The following KIF16B variants were observed in gnomAD, a reference collection of about 807,000 sequenced individuals.
KIF16B encodes kinesin family member 16B, also known as kinesin-like protein KIF16B.
KIF16B carries 98 observed loss-of-function variants against 156.3 expected under a neutral mutation model. The observed-to-expected ratio is 0.63, with a 90% CI of 0.53 to 0.74. The LOEUF is 0.74. Ranked by LOEUF, KIF16B falls within the 30% of genes least tolerant of loss-of-function variation. The pLI is 0.00. For synonymous variants in KIF16B, 564 were observed against 583.7 expected (o/e 0.97, Z 0.49); for missense variants, 1,421 against 1,606.5 (o/e 0.88, Z 1.97).
intron 1 of KIF16B, among the ~76,000 whole-genome samples, chr20:16,530,724 A>G (rs1232835195): frequency 2.6e-5 from 4 of 152,156 alleles, no homozygotes; most frequent in African/African-American, 9.6e-5. Context: ...TTTTTGAGAC[A>G]GGGTTTCGCT....
At chr20:16,441,674 GC>G (rs2066804582) in intron 12 of KIF16B, among the ~76,000 whole-genome samples, 1 of 152,138 alleles carries the variant, frequency 6.6e-6, no homozygotes, top group Admixed American at 6.6e-5. Context: ...CCAGGGTTGG[GC>G]TATGATTTTC....
intron 25 of KIF16B, among the ~76,000 whole-genome samples, chr20:16,294,752 G>A (rs1346500870): frequency 2.0e-5 from 3 of 152,182 alleles, no homozygotes; most frequent in Non-Finnish European, 2.9e-5. Context: ...TAGGGCAACA[G>A]CACAGCGTAT....
At chr20:16,477,038 C>A (rs1050103414) in intron 12 of KIF16B, among the ~76,000 whole-genome samples, 1 of 152,098 alleles carries the variant, frequency 6.6e-6, no homozygotes, top group African/African-American at 2.4e-5. Context: ...TGAGCCACTG[C>A]GCCGGGCCTG....
intron 25 of KIF16B, among the ~76,000 whole-genome samples, chr20:16,279,141 C>T (rs1384665646): frequency 6.6e-6 from 1 of 152,112 alleles, no homozygotes; most frequent in Non-Finnish European, 1.5e-5. Flanking sequence ...AAACAGCAGC[C>T]CAATCCCCTT....
chr20:16,292,401 G>GA (rs2063326321), intron 25 of KIF16B, among the ~76,000 whole-genome samples: 1 of 152,102 alleles, frequency 6.6e-6, no homozygotes, highest in South Asian at 2.1e-4. Flanking sequence ...GACACATATA[G>GA]AAGAAAAAAG....
intron 15 of KIF16B, among the ~76,000 whole-genome samples, chr20:16,416,566 G>A (rs1435267070): frequency 2.0e-5 from 3 of 152,006 alleles, no homozygotes. Context: ...CACACACTGG[G>A]GCCTGTTGTG....
rs2065028225 is a variant in KIF16B, at chr20:16,379,230, C to T, written c.2772G>A (p.Lys924=). Residue 924 remains lysine, a synonymous_variant, in exon 19 of 26, where the codon AAG becomes AAA. Coordinates refer to ENST00000354981, the MANE Select transcript of KIF16B (RefSeq NM_024704.5). The part of the protein sequence containing the change: ...QNHLPTLLEE[K]QRAFEILDRG... ...TGTCAAGAATTTCAAATGCTCTCTG[C>T]TTTTCTTCCAACAGAGTTGGCAAGT... 3.1e-6 allele frequency: 5 copies of T among 1,614,048 alleles called. No individual in the cohort carries two copies. The highest frequency in any genetic ancestry group is 4.2e-6 in the Non-Finnish European group (5 of 1,180,044).
At chr20:16,523,213 G>T (rs145113266) in intron 3 of KIF16B, among the ~76,000 whole-genome samples, 5 of 152,152 alleles carry the variant, frequency 3.3e-5, no homozygotes, top group South Asian at 2.1e-4. Flanking sequence ...AGAAACAATG[G>T]GTATTCGAAT....
chr20:16,552,271 C>CGTAT (rs2070696730), intron 1 of KIF16B, among the ~76,000 whole-genome samples: 1 of 152,144 alleles, frequency 6.6e-6, no homozygotes, highest in Admixed American at 6.5e-5. Context: ...ATAAGTCATA[C>CGTAT]AGAGAAGGGA....
chr20:16,374,468 T>C, intron 19 of KIF16B, 59 bp from the exon 20 acceptor site: 5 of 1,419,810 alleles, frequency 3.5e-6, no homozygotes, highest in Admixed American at 4.5e-5. Context: ...GCATCCTTAC[T>C]GTGTGAGACA....
At chr20:16,447,176 A>G (rs1193988728) in intron 12 of KIF16B, among the ~76,000 whole-genome samples, 1 of 152,192 alleles carries the variant, frequency 6.6e-6, no homozygotes, top group Non-Finnish European at 1.5e-5. Flanking sequence ...GGCCACGTAG[A>G]ACATCTGCAC....
Position 16,428,978 on chromosome 20 carries a change from G to T in KIF16B, c.1449C>A (p.Asp483Glu). ...CAATATCTTGCTCCGTGGAAGCATCGTCTCTACCAACGTATGTCTGACCTT... is the reference window on the plus strand; with the variant it reads ...CAATATCTTGCTCCGTGGAAGCATCTTCTCTACCAACGTATGTCTGACCTT... ...LKEGQTYVGR[D>E]DASTEQDIVL... The change falls in exon 14 of 26, where the codon GAC becomes GAA. Residue 483 changes from aspartate (D) to glutamate (E), a missense_variant. By Grantham distance (45) the Asp-to-Glu change is conservative. Transcript: ENST00000354981. The T allele has an allele frequency of 6.2e-6, 10 of 1,613,238 alleles. No homozygotes were observed. Among genetic ancestry groups the T allele is most frequent in the Non-Finnish European group, 8.5e-6 (10 of 1,179,388 alleles).
chr20:16,333,085 T>C (rs2063976470), intron 24 of KIF16B, among the ~76,000 whole-genome samples: 1 of 151,900 alleles, frequency 6.6e-6, no homozygotes. Context: ...CATGATAGAG[T>C]CCCTTCCTAC....
intron 25 of KIF16B, among the ~76,000 whole-genome samples, chr20:16,288,000 CT>C (rs940523096): frequency 1.2e-4 from 19 of 152,316 alleles, no homozygotes; most frequent in African/African-American, 4.1e-4. Flanking sequence ...GTTCCCAGTA[CT>C]CACTATGGAT....
intron 25 of KIF16B, among the ~76,000 whole-genome samples, chr20:16,281,413 AAT>A (rs2063144559): frequency 6.6e-6 from 1 of 152,114 alleles, no homozygotes; most frequent in African/African-American, 2.4e-5. Context: ...ATCAGGCCTG[AAT>A]GGAGCTACTC....
chr20:16,541,611 A>T (rs2147233698), intron 1 of KIF16B, among the ~76,000 whole-genome samples: 1 of 152,326 alleles, frequency 6.6e-6, no homozygotes, highest in Non-Finnish European at 1.5e-5. Flanking sequence ...AAACCTAAAA[A>T]ATTAGGCAAA....
chr20:16,284,601 AT>A (rs2063195452), intron 25 of KIF16B, among the ~76,000 whole-genome samples: 1 of 152,124 alleles, frequency 6.6e-6, no homozygotes, highest in Non-Finnish European at 1.5e-5. Flanking sequence ...ACATGATTAG[AT>A]TAAGCACACA....
chr20:16,547,243 GA>G (rs750634486), intron 1 of KIF16B, among the ~76,000 whole-genome samples: 20 of 152,302 alleles, frequency 1.3e-4, no homozygotes, highest in Admixed American at 9.8e-4. Flanking sequence ...CACGATAAAT[GA>G]CAGAGCCACC....
At chr20:16,527,284 C>T (rs147588883) in intron 2 of KIF16B, among the ~76,000 whole-genome samples, 283 of 152,280 alleles carry the variant, frequency 1.9e-3, no homozygotes, top group Admixed American at 5.4e-3. Flanking sequence ...GACACCAGCG[C>T]CTTAATGGAG....
Sources: allele counts gnomAD v4.1 joint callset (sites outside exome capture counted in the v4.1 genomes callset), GRCh38; gene constraint gnomAD v4.1.1; transcripts MANE v1.5; gene names NCBI Gene and HGNC (gene_info 2026-07-23, HGNC 2026-07-21).